TSHZ1: variants seen among roughly 807,000 people sequenced by gnomAD.
TSHZ1 encodes teashirt homolog 1.
In TSHZ1, 12 loss-of-function variants were observed where a neutral mutation model predicts 67.1. The ratio of observed to expected loss-of-function variants is 0.18; its 90% CI spans 0.11 to 0.29. The LOEUF is 0.29. TSHZ1 is among the 10% of genes least tolerant of loss of function. The probability of loss-of-function intolerance (pLI) is 1.00; values close to 1 mark genes in which losing one functional copy is unlikely to be tolerated. For missense variants in TSHZ1, 1,305 were observed against 1,413.9 expected (o/e 0.92, Z 1.23); for synonymous variants, 632 against 622.4 (o/e 1.02, Z -0.23).
At position 75,270,436 on chromosome 18, in the gene TSHZ1, A is replaced by T. The variant is rs149854873; in HGVS notation, c.41-15012A>T. Among the ~76,000 whole-genome samples, 790 of 152,350 alleles carry T rather than the reference A, an allele frequency of 5.2e-3. 6 individuals are homozygous for T. Among genetic ancestry groups the T allele is most frequent in the Middle Eastern group, 0.027 (8 of 294 alleles). The stretch of plus-strand genomic sequence containing the variant: ...AAAGCATAACGCTGGTTGAGCAGAT[A>T]TTCTGTGGGTATGAAATGTTTATCC... On this transcript the variant is annotated intron_variant, in intron 1 of 1. Coordinates refer to ENST00000580243, the MANE Select transcript of TSHZ1 (RefSeq NM_001308210.2).
intron 1 of TSHZ1, among the ~76,000 whole-genome samples, chr18:75,229,948 T>A (rs1000688246): frequency 6.6e-6 from 1 of 152,212 alleles, no homozygotes; most frequent in African/African-American, 2.4e-5. Flanking sequence ...TCATTATACA[T>A]CTACTTGTGG....
rs1441877099 is a variant in TSHZ1, at chr18:75,285,591, T to C, written c.184T>C (p.Ser62Pro). 8 of 1,606,526 alleles carry C rather than the reference T, an allele frequency of 5.0e-6. No homozygotes were observed. Among genetic ancestry groups the C allele is most frequent in the African/African-American group, 1.3e-5 (1 of 74,722 alleles). Residue 62 changes from serine (S) to proline (P), a missense_variant, in exon 2 of 2, where the codon TCC becomes CCC. Coordinates refer to ENST00000580243, the MANE Select transcript of TSHZ1 (RefSeq NM_001308210.2). Reference protein sequence around the residue: ...EIKEAQSYQNSPVSSATNQDA... With the variant: ...EIKEAQSYQNPPVSSATNQDA... The stretch of plus-strand genomic sequence containing the variant: ...CAAAGAGGCGCAGAGCTACCAGAAC[T>C]CCCCAGTCAGCTCTGCGACTAACCA...
intron 1 of TSHZ1, among the ~76,000 whole-genome samples, chr18:75,223,464 C>T (rs760175309): frequency 6.6e-5 from 10 of 152,094 alleles, no homozygotes; most frequent in Non-Finnish European, 1.5e-4. Flanking sequence ...GAGGGAGTTG[C>T]AGGCCAGGAT....
chr18:75,236,079 T>C (rs1390164353), intron 1 of TSHZ1, among the ~76,000 whole-genome samples: 3 of 152,148 alleles, frequency 2.0e-5, no homozygotes, highest in Non-Finnish European at 4.4e-5. Context: ...GCTTGCGTGA[T>C]AGGAAGCGTG....
chr18:75,243,850 T>C (rs572717359), intron 1 of TSHZ1, among the ~76,000 whole-genome samples: 14 of 152,262 alleles, frequency 9.2e-5, no homozygotes, highest in African/African-American at 3.4e-4. Flanking sequence ...TCAACATTAT[T>C]AATAGGGTCT....
rs939340262 is a variant in TSHZ1, at chr18:75,281,712, C to T, written c.41-3736C>T. Among the ~76,000 whole-genome samples the T allele has an allele frequency of 6.6e-6, 1 of 152,068 alleles. No individual in the cohort carries two copies. The highest frequency in any genetic ancestry group is 2.1e-4 in the South Asian group (1 of 4,824). ...GCAGCTCAGAACGGGGAGCGGGTAG[C>T]GGTCACCGAGGGTCTGGAGACGAGG... On this transcript the variant is annotated intron_variant, in intron 1 of 1. Transcript: ENST00000580243. The surrounding 1 kb of genome is among the most constrained non-coding windows in gnomAD (Gnocchi z 5.3).
At chr18:75,229,576 C>T (rs141216175) in intron 1 of TSHZ1, among the ~76,000 whole-genome samples, 41 of 152,334 alleles carry the variant, frequency 2.7e-4, no homozygotes, top group African/African-American at 9.6e-4. Context: ...TCAGAGCTCC[C>T]GGTGCTTGTT....
chr18:75,245,872 T>TA (rs1003045654), intron 1 of TSHZ1, among the ~76,000 whole-genome samples: 82 of 152,212 alleles, frequency 5.4e-4, no homozygotes, highest in African/African-American at 1.9e-3. Context: ...CTATGTACCA[T>TA]AACAGAAAAA....
At chr18:75,217,324 G>C (rs1361055255) in intron 1 of TSHZ1, among the ~76,000 whole-genome samples, 1 of 152,184 alleles carries the variant, frequency 6.6e-6, no homozygotes, top group Non-Finnish European at 1.5e-5. Flanking sequence ...TTGACAACCT[G>C]TAAGGGATTC....
At chr18:75,216,573 T>C (rs1356759207) in intron 1 of TSHZ1, among the ~76,000 whole-genome samples, 1 of 152,244 alleles carries the variant, frequency 6.6e-6, no homozygotes, top group African/African-American at 2.4e-5. Flanking sequence ...CTAAGACTTA[T>C]CATACCCTTG....
At chr18:75,212,754 C>T (rs986665607) in intron 1 of TSHZ1, among the ~76,000 whole-genome samples, 9 of 152,200 alleles carry the variant, frequency 5.9e-5, no homozygotes, top group African/African-American at 2.2e-4. Flanking sequence ...AGAAGTTTTA[C>T]AGCTGCAGCA....
chr18:75,287,825 C>T lies in TSHZ1; in HGVS notation c.2418C>T (p.Ser806=), dbSNP rs150411092. The change falls in exon 2 of 2, where the codon AGC becomes AGT. Residue 806 remains serine (S), a synonymous_variant. Transcript: ENST00000580243. The surrounding 1 kb of genome is among the most constrained non-coding windows in gnomAD (Gnocchi z 5.0). ...DAIDRYYYEN[S]DQPIDLTKSK... ...TCGACCGCTACTATTATGAAAACAG[C>T]GACCAGCCCATTGACTTAACCAAGT... The T allele has an allele frequency of 6.7e-4, 1,081 of 1,614,078 alleles. 2 individuals are homozygous for T. The highest frequency in any genetic ancestry group is 3.2e-3 in the South Asian group (290 of 91,084).
At position 75,285,998 on chromosome 18, in the gene TSHZ1, C is replaced by T. The variant is rs746935432; in HGVS notation, c.591C>T (p.Tyr197=). ...STTSTSSSSG[Y]DWHQAALAKT... ...CCAGTACCAGCAGCAGCTCCGGGTACGACTGGCACCAGGCTGCACTGGCCA... is the reference window on the plus strand; with the variant it reads ...CCAGTACCAGCAGCAGCTCCGGGTATGACTGGCACCAGGCTGCACTGGCCA... The change falls in exon 2 of 2, where the codon TAC becomes TAT. Residue 197 remains tyrosine, a synonymous_variant. Coordinates refer to ENST00000580243, the MANE Select transcript of TSHZ1 (RefSeq NM_001308210.2). 23 of 1,605,684 alleles carry T rather than the reference C, an allele frequency of 1.4e-5. No homozygotes were observed. In the East Asian group the frequency reaches 1.6e-4, roughly 11 times the overall value.
intron 1 of TSHZ1, among the ~76,000 whole-genome samples, chr18:75,266,134 A>G (rs563445893): frequency 1.6e-4 from 25 of 152,198 alleles, no homozygotes; most frequent in Non-Finnish European, 2.8e-4. Flanking sequence ...GTTTACTAGA[A>G]GGGTGACAGA....
At chr18:75,225,276 G>A (rs1346767217) in intron 1 of TSHZ1, among the ~76,000 whole-genome samples, 1 of 152,184 alleles carries the variant, frequency 6.6e-6, no homozygotes, top group Non-Finnish European at 1.5e-5. Context: ...CTGGAAACTT[G>A]CCTATAGCTT....
At position 75,285,888 on chromosome 18, in the gene TSHZ1, C is replaced by G; in HGVS notation, c.481C>G (p.Pro161Ala). ...GAGCTCCGCCCCCACCCCCACACCC[C>G]CCACCTGCCCCGTCAGCACCACTGG... ...KESSAPTPTP[P>A]TCPVSTTGPT... The change falls in exon 2 of 2, where the codon CCC (proline) becomes GCC (alanine). Residue 161 changes from proline (P) to alanine (A), a missense_variant. Transcript: ENST00000580243. 6.5e-7 allele frequency: 1 copy of G among 1,542,162 alleles called. No homozygotes were observed. Among genetic ancestry groups the G allele is most frequent in the Non-Finnish European group, 8.8e-7 (1 of 1,142,254 alleles).
chr18:75,235,322 G>A (rs569361586), intron 1 of TSHZ1, among the ~76,000 whole-genome samples: 2 of 152,106 alleles, frequency 1.3e-5, no homozygotes, highest in Non-Finnish European at 2.9e-5. Flanking sequence ...CCGGTCGTAC[G>A]TTGATGCCAT....
rs1426528550 is a variant in TSHZ1 at position 75,215,136 on chromosome 18, C to A, written c.40+3220C>A. Among the ~76,000 whole-genome samples the A allele has an allele frequency of 2.6e-5, 4 of 152,232 alleles. No homozygotes were observed. The East Asian group carries it at 7.7e-4, about 29-fold the overall frequency. On this transcript the variant is annotated intron_variant, in intron 1 of 1. Transcript: ENST00000580243. The stretch of plus-strand genomic sequence containing the variant: ...ATTTTTATTTCTTCAATGCTGAAGA[C>A]CCTCATGGTTATAGTTGCTGTGACT...
intron 1 of TSHZ1, among the ~76,000 whole-genome samples, chr18:75,215,798 C>T (rs2022758948): frequency 6.6e-6 from 1 of 152,192 alleles, no homozygotes; most frequent in Non-Finnish European, 1.5e-5. Flanking sequence ...AATGGCCGCC[C>T]TCCTACCACC....
Sources: allele counts gnomAD v4.1 joint callset (sites outside exome capture counted in the v4.1 genomes callset), GRCh38; gene constraint gnomAD v4.1.1; non-coding constraint Gnocchi (gnomAD v3.1); transcripts MANE v1.5; gene names NCBI Gene and HGNC (gene_info 2026-07-23, HGNC 2026-07-21).